The following PROCR variants were observed in gnomAD, a reference collection of about 807,000 sequenced individuals.
The protein encoded by PROCR is endothelial protein C receptor.
A neutral mutation model predicts 24.2 loss-of-function variants in PROCR; 22 were observed. That is an observed-to-expected ratio of 0.91 (90% CI 0.65 to 1.30). The LOEUF (loss-of-function observed/expected upper bound fraction) is 1.30. PROCR is among the 50% of genes most tolerant of loss of function. PROCR has a pLI of 0.00. For synonymous variants in PROCR, 137 were observed against 139.2 expected, an observed-to-expected ratio of 0.98 and a Z score of 0.11; for missense variants, 288 against 307.7, an observed-to-expected ratio of 0.94 and a Z score of 0.48.
chr20:35,211,344 T>G (rs1437089737), intron 1 of PROCR, among the ~76,000 whole-genome samples: 2 of 152,128 alleles, frequency 1.3e-5, no homozygotes, highest in African/African-American at 4.8e-5. Flanking sequence ...GATTCAGAGA[T>G]AGGTGTAAAT....
intron 1 of PROCR, chr20:35,174,285 T>G: frequency 4.1e-6 from 1 of 242,192 alleles, no homozygotes; most frequent in Admixed American, 4.8e-5. Context: ...AGTAGAAAGT[T>G]ACTACCCCAG....
At chr20:35,197,023 G>T (rs1030411237) in intron 1 of PROCR, among the ~76,000 whole-genome samples, 1 of 152,184 alleles carries the variant, frequency 6.6e-6, no homozygotes, top group Non-Finnish European at 1.5e-5. Flanking sequence ...TTTACAGATT[G>T]AAGGTTTATG....
chr20:35,181,057 G>A (rs1290708495), downstream of PROCR, among the ~76,000 whole-genome samples: 2 of 150,832 alleles, frequency 1.3e-5, no homozygotes, highest in Non-Finnish European at 3.0e-5. Flanking sequence ...TAGTAGAGTC[G>A]GGGTTTCACC....
Position 35,176,441 on chromosome 20 carries a change from C to G in PROCR, c.596C>G (p.Thr199Arg), listed in dbSNP as rs1256000226. Residue 199 changes from threonine to arginine, a missense_variant, in exon 3 of 4, where the codon ACG becomes AGG. Coordinates refer to ENST00000216968, the MANE Select transcript of PROCR (RefSeq NM_006404.5). ...YVQKHISAENTKGSQTSRSYT... is the reference protein window; with the variant it reads ...YVQKHISAENRKGSQTSRSYT... ...CAGAAACATATTTCCGCGGAAAACA[C>G]GAAAGGTATGATGGGACGGGGCCCA... The G allele has an allele frequency of 1.2e-6, 2 of 1,613,692 alleles. No individual in the cohort carries two copies. The highest frequency in any genetic ancestry group is 1.3e-5 in the African/African-American group (1 of 74,892).
chr20:35,202,851 T>C (rs1183257440), intron 1 of PROCR: 1 of 152,204 alleles, frequency 6.6e-6, no homozygotes, highest in Non-Finnish European at 1.5e-5. Flanking sequence ...ACTGGTTTAA[T>C]ATAACGGACA....
intron 1 of PROCR, among the ~76,000 whole-genome samples, chr20:35,192,531 G>A (rs4911475): frequency 0.38 from 58,315 of 151,904 alleles, 12,435 homozygotes; most frequent in East Asian, 0.64. Flanking sequence ...TTCTGCAGCT[G>A]CAGGCATATC....
intron 1 of PROCR, among the ~76,000 whole-genome samples, chr20:35,199,065 C>T (rs565386189): frequency 4.6e-5 from 7 of 152,292 alleles, no homozygotes; most frequent in Non-Finnish European, 8.8e-5. Context: ...GGATTCAAAG[C>T]TTCAAAGCAC....
chr20:35,183,906 A>C (rs1415881820), intron 1 of PROCR, among the ~76,000 whole-genome samples: 1 of 152,224 alleles, frequency 6.6e-6, no homozygotes, highest in Non-Finnish European at 1.5e-5. Context: ...AAACCATGAG[A>C]TACCACTTCA....
intron 1 of PROCR, among the ~76,000 whole-genome samples, chr20:35,199,303 T>C (rs2060310206): frequency 6.6e-6 from 1 of 152,172 alleles, no homozygotes; most frequent in African/African-American, 2.4e-5. Context: ...AAAAGATTCC[T>C]CTCAAAATAT....
intron 1 of PROCR, among the ~76,000 whole-genome samples, chr20:35,182,713 C>A (rs1256575770): frequency 6.6e-6 from 1 of 152,098 alleles, no homozygotes; most frequent in Non-Finnish European, 1.5e-5. Context: ...TGGTGGCTCA[C>A]GCCTGTAATC....
intron 1 of PROCR, among the ~76,000 whole-genome samples, chr20:35,187,514 G>T (rs555650061): frequency 3.0e-4 from 46 of 152,284 alleles, no homozygotes; most frequent in African/African-American, 1.1e-3. Context: ...TCCATGAGAG[G>T]CATTAGGAAT....
At chr20:35,201,870 T>C (rs1189035408) in intron 1 of PROCR, 1 of 151,884 alleles carries the variant, frequency 6.6e-6, no homozygotes, top group Non-Finnish European at 1.5e-5. Flanking sequence ...AGATAAACAC[T>C]GAAATATAAT....
At chr20:35,178,811 G>A (rs372490479), downstream of PROCR, among the ~76,000 whole-genome samples, 47 of 147,952 alleles carry the variant, frequency 3.2e-4, no homozygotes, top group African/African-American at 1.0e-3. Flanking sequence ...CACCGCGCCC[G>A]GCCTAAGTCT....
chr20:35,192,731 T>C (rs2086184553), intron 1 of PROCR, among the ~76,000 whole-genome samples: 1 of 152,144 alleles, frequency 6.6e-6, no homozygotes, highest in Non-Finnish European at 1.5e-5. Context: ...TCTTTCTATT[T>C]GTACTTAGAA....
At chr20:35,188,732 G>C (rs1487849799) in intron 1 of PROCR, among the ~76,000 whole-genome samples, 1 of 152,184 alleles carries the variant, frequency 6.6e-6, no homozygotes, top group Admixed American at 6.5e-5. Flanking sequence ...ACCAGATTAA[G>C]AATGCCATGC....
At chr20:35,205,915 C>G (rs879654752) in intron 1 of PROCR, among the ~76,000 whole-genome samples, 4 of 148,678 alleles carry the variant, frequency 2.7e-5, no homozygotes, top group Non-Finnish European at 4.5e-5. Flanking sequence ...GATCCCCCCC[C>G]CAACCTCGGC....
chr20:35,174,371 T>A (rs2085983448), intron 1 of PROCR: 2 of 393,568 alleles, frequency 5.1e-6, no homozygotes, highest in South Asian at 4.7e-5. Flanking sequence ...ATTGGAATTT[T>A]ATTCAGGTCA....
intron 3 of PROCR, 107 bp downstream of exon 3, chr20:35,176,553 G>C: frequency 6.3e-7 from 1 of 1,594,560 alleles, no homozygotes; most frequent in East Asian, 2.2e-5. Context: ...GCCCACAGCT[G>C]GGGGTTTGGG....
At chr20:35,173,806 C>G (rs1013967101) in intron 1 of PROCR, among the ~76,000 whole-genome samples, 8 of 152,174 alleles carry the variant, frequency 5.3e-5, no homozygotes, top group African/African-American at 1.9e-4. Context: ...ACATGCTATT[C>G]ATGTGTCAGC....
Sources: gnomAD v4.1 joint callset for allele counts (sites outside exome capture counted in the v4.1 genomes callset) on GRCh38, gnomAD v4.1.1 for gene constraint, MANE v1.5 for transcripts, NCBI Gene and HGNC (gene_info 2026-07-23, HGNC 2026-07-21) for gene names.